AKAP19: variants seen among roughly 807,000 people sequenced by gnomAD.
The protein encoded by AKAP19 is small A-kinase anchoring protein.
At chr2:190,067,955 C>T in the AKAP19 span, among the ~76,000 whole-genome samples, 9 of 151,990 alleles carry the variant, frequency 5.9e-5, no homozygotes, top group Non-Finnish European at 7.4e-5. Flanking sequence ...TATCACAGCA[C>T]TTTGGGAGGC....
chr2:190,063,620 T>C, the AKAP19 span, among the ~76,000 whole-genome samples: 1 of 152,272 alleles, frequency 6.6e-6, no homozygotes, highest in African/African-American at 2.4e-5. Flanking sequence ...CTATTCTCTA[T>C]AAATTATATC....
the AKAP19 span, among the ~76,000 whole-genome samples, chr2:190,072,394 C>T: frequency 6.6e-6 from 1 of 151,934 alleles, no homozygotes; most frequent in African/African-American, 2.4e-5. Context: ...AAACCTGCAC[C>T]CCCGAATCTA....
At chr2:190,104,297 T>C in the AKAP19 span, among the ~76,000 whole-genome samples, 2 of 151,924 alleles carry the variant, frequency 1.3e-5, no homozygotes, top group Non-Finnish European at 2.9e-5. Context: ...TATAACTCAG[T>C]CCTCCAAGCA....
At chr2:190,062,319 T>G in the AKAP19 span, 2 of 1,613,390 alleles carry the variant, frequency 1.2e-6, no homozygotes, top group Non-Finnish European at 1.7e-6. Flanking sequence ...GACATCATAC[T>G]GATCAATCAG....
the AKAP19 span, among the ~76,000 whole-genome samples, chr2:189,963,922 C>A: frequency 1.3e-5 from 2 of 151,956 alleles, no homozygotes; most frequent in African/African-American, 4.8e-5. Context: ...TGCCACCACA[C>A]CCAGTTAATT....
chr2:190,195,834 G>A, the AKAP19 span, among the ~76,000 whole-genome samples: 2 of 151,494 alleles, frequency 1.3e-5, no homozygotes, highest in Non-Finnish European at 2.9e-5. Flanking sequence ...CCAAACCCAA[G>A]GTTATCTGGA....
At chr2:190,169,980 TA>T in the AKAP19 span, among the ~76,000 whole-genome samples, 1 of 152,162 alleles carries the variant, frequency 6.6e-6, no homozygotes, top group East Asian at 1.9e-4. Flanking sequence ...CCATTAAAAG[TA>T]ATGGCAAAAA....
the AKAP19 span, among the ~76,000 whole-genome samples, chr2:189,904,363 GTT>G: frequency 3.3e-5 from 5 of 151,964 alleles, no homozygotes; most frequent in African/African-American, 1.2e-4. Context: ...TTTACTCTTG[GTT>G]TAGTAGTTTT....
chr2:190,144,082 T>A, the AKAP19 span, among the ~76,000 whole-genome samples: 1 of 147,284 alleles, frequency 6.8e-6, no homozygotes, highest in African/African-American at 2.5e-5. Context: ...GATGACGAGT[T>A]AGTGGGTGCA....
At chr2:190,090,610 A>ATAGC in the AKAP19 span, among the ~76,000 whole-genome samples, 2 of 152,182 alleles carry the variant, frequency 1.3e-5, no homozygotes, top group Admixed American at 1.3e-4. Flanking sequence ...GTTAGCTGCC[A>ATAGC]TAGCTAACTG....
the AKAP19 span, among the ~76,000 whole-genome samples, chr2:190,082,469 T>A: frequency 2.0e-5 from 3 of 152,228 alleles, no homozygotes; most frequent in African/African-American, 4.8e-5. Flanking sequence ...ATATAGTTAA[T>A]AGTATAGGAT....
the AKAP19 span, among the ~76,000 whole-genome samples, chr2:190,112,444 A>C: frequency 6.6e-6 from 1 of 152,314 alleles, no homozygotes; most frequent in African/African-American, 2.4e-5. Context: ...ATTCTGTATC[A>C]AAAAGAAGTA....
the AKAP19 span, among the ~76,000 whole-genome samples, chr2:190,198,548 C>A: frequency 7.1e-6 from 1 of 141,750 alleles, no homozygotes; most frequent in Non-Finnish European, 1.5e-5. Context: ...GGAAGGATCA[C>A]TTGAACCCAG....
At chr2:190,038,977 C>CT in the AKAP19 span, among the ~76,000 whole-genome samples, 99 of 138,106 alleles carry the variant, frequency 7.2e-4, no homozygotes, top group African/African-American at 1.7e-3. Context: ...CTTCTTTCTT[C>CT]TTCTTCTTCC....
At chr2:190,056,939 C>T in the AKAP19 span, 1 of 299,378 alleles carries the variant, frequency 3.3e-6, no homozygotes, top group East Asian at 7.6e-5. Flanking sequence ...AAGCATACTC[C>T]TTTAATTCAT....
chr2:190,174,355 A>G, the AKAP19 span, among the ~76,000 whole-genome samples: 1 of 152,228 alleles, frequency 6.6e-6, no homozygotes, highest in Admixed American at 6.5e-5. Context: ...CGTACTGCCC[A>G]TCAGAGCAGC....
At chr2:190,193,559 T>C in the AKAP19 span, among the ~76,000 whole-genome samples, 1 of 152,198 alleles carries the variant, frequency 6.6e-6, no homozygotes, top group Non-Finnish European at 1.5e-5. Context: ...TGGAAAGATT[T>C]ACAATTTCTT....
the AKAP19 span, among the ~76,000 whole-genome samples, chr2:190,099,187 A>G: frequency 0.019 from 2,868 of 152,348 alleles, 36 homozygotes; most frequent in Middle Eastern, 0.027. Flanking sequence ...ATTTGGCATA[A>G]GAGGCCTACC....
the AKAP19 span, among the ~76,000 whole-genome samples, chr2:190,122,751 T>C: frequency 5.3e-5 from 8 of 152,278 alleles, no homozygotes; most frequent in African/African-American, 1.9e-4. Context: ...ATGGAAAATA[T>C]TATTGACATG....
Sources: gnomAD v4.1 joint callset for allele counts (sites outside exome capture counted in the v4.1 genomes callset) on GRCh38, gnomAD v4.1.1 for gene constraint, MANE v1.5 for transcripts, NCBI Gene and HGNC (gene_info 2026-07-23, HGNC 2026-07-21) for gene names.